VPS13A: variants seen among roughly 807,000 people sequenced by gnomAD.
The protein encoded by VPS13A is intermembrane lipid transfer protein VPS13A.
Under a neutral mutation model 390.9 loss-of-function variants are expected in VPS13A, and 264 were observed. The ratio of observed to expected loss-of-function variants is 0.68; its 90% confidence interval spans 0.61 to 0.75. VPS13A has a LOEUF of 0.75. VPS13A is among the 30% of genes least tolerant of loss of function. VPS13A has a pLI of 0.00. For synonymous variants in VPS13A, 1,231 were observed against 1,227.1 expected (o/e 1.00, Z -0.07); for missense variants, 3,409 against 3,733.9 (o/e 0.91, Z 2.27).
intron 71 of VPS13A, among the ~76,000 whole-genome samples, chr9:77,411,235 A>T (rs980882093): frequency 6.6e-6 from 1 of 152,204 alleles, no homozygotes; most frequent in Admixed American, 6.5e-5. Context: ...GTTCTTTGAA[A>T]CCAACGAGAA....
chr9:77,213,302 T>C lies in VPS13A; in HGVS notation c.684T>C (p.Tyr228=). ...CTCAGATGTTTTATCTTAGTGATTA[T>C]GATAACTCCTTGGTAAGTAAATTTT... is the stretch of plus-strand genomic sequence containing the variant. ...VKSQMFYLSD[Y]DNSLDDLKNG... The change falls in exon 9 of 72, where the codon TAT becomes TAC. Residue 228 remains tyrosine (Y), a synonymous_variant. Coordinates refer to ENST00000360280, the MANE Select transcript of VPS13A (RefSeq NM_033305.3). The C allele has an allele frequency of 6.2e-7, 1 of 1,613,132 alleles. No individual in the cohort carries two copies. The highest frequency in any genetic ancestry group is 8.5e-7 in the Non-Finnish European group (1 of 1,179,346).
intron 32 of VPS13A, 138 bp from the exon 33 acceptor site, chr9:77,295,400 CAGTA>C (rs1827923761): frequency 1.5e-6 from 1 of 646,674 alleles, no homozygotes; most frequent in African/African-American, 1.9e-5. Flanking sequence ...TTAATATAGA[CAGTA>C]AGATTTTGAA....
intron 68 of VPS13A, chr9:77,389,760 A>G (rs998584159): frequency 6.6e-6 from 1 of 151,950 alleles, no homozygotes; most frequent in African/African-American, 2.4e-5. Context: ...TGTGTCCTTC[A>G]TTGTGTCTGA....
chr9:77,228,643 T>C (rs930661331), intron 17 of VPS13A, among the ~76,000 whole-genome samples: 1 of 152,122 alleles, frequency 6.6e-6, no homozygotes. Context: ...ACAACTATAT[T>C]ATATAGTAAT....
chr9:77,243,495 A>T (rs756481617), intron 19 of VPS13A, among the ~76,000 whole-genome samples: 1 of 152,118 alleles, frequency 6.6e-6, no homozygotes, highest in Non-Finnish European at 1.5e-5. Context: ...TTTGTTGTCA[A>T]CTATGGCATG....
chr9:77,208,440 A>T (rs1317368501), intron 5 of VPS13A, among the ~76,000 whole-genome samples: 1 of 152,196 alleles, frequency 6.6e-6, no homozygotes, highest in East Asian at 1.9e-4. Context: ...GAAATAAAGA[A>T]TATAGCTTTC....
intron 68 of VPS13A, among the ~76,000 whole-genome samples, chr9:77,401,288 A>G (rs574498025): frequency 3.5e-5 from 5 of 144,868 alleles, no homozygotes; most frequent in Non-Finnish European, 7.5e-5. Context: ...CTTACCTCCT[A>G]CCCCATGCTC....
At chr9:77,273,604 G>A (rs935228621) in intron 24 of VPS13A, among the ~76,000 whole-genome samples, 3 of 152,134 alleles carry the variant, frequency 2.0e-5, no homozygotes, top group African/African-American at 7.2e-5. Flanking sequence ...ACTCAAGGTG[G>A]TGATTAAAAT....
intron 13 of VPS13A, among the ~76,000 whole-genome samples, chr9:77,221,751 G>A (rs1229353897): frequency 6.6e-6 from 1 of 151,998 alleles, no homozygotes; most frequent in African/African-American, 2.4e-5. Flanking sequence ...AATGTTTCCT[G>A]TACTCTGTAT....
chr9:77,339,146 T>C (rs1448341986), intron 47 of VPS13A: 3 of 226,066 alleles, frequency 1.3e-5, no homozygotes, highest in African/African-American at 7.0e-5. Flanking sequence ...TTACGTTGTT[T>C]TGTAGTTTTC....
At chr9:77,191,363 G>A (rs1386287366) in intron 1 of VPS13A, among the ~76,000 whole-genome samples, 2 of 147,692 alleles carry the variant, frequency 1.4e-5, no homozygotes, top group Non-Finnish European at 3.0e-5. Flanking sequence ...GCATGAACAC[G>A]GCTCACTGCA....
rs144395221 is a variant in VPS13A, at chr9:77,272,036, A to T, written c.2428-1244A>T. On this transcript the variant is annotated intron_variant, in intron 23 of 71. Transcript: ENST00000360280. ...AGAGTTTATGTACTTCGTGTAGTAG[A>T]TTATAATGTGCTTAAAAAAAATGCT... 4.9e-3 allele frequency among the ~76,000 whole-genome samples: 719 copies of T among 146,470 alleles called. 5 individuals carry two copies. The highest frequency in any genetic ancestry group is 0.021 in the Middle Eastern group (6 of 282).
chr9:77,401,389 A>G (rs1834388804), intron 68 of VPS13A, among the ~76,000 whole-genome samples: 1 of 149,730 alleles, frequency 6.7e-6, no homozygotes, highest in African/African-American at 2.5e-5. Context: ...ATTGGGAGGG[A>G]GTCAATAACA....
chr9:77,244,413 T>TGCTCTCTAAAACTTTCTGGAAATCC (rs1406458226), intron 19 of VPS13A, among the ~76,000 whole-genome samples: 108 of 152,294 alleles, frequency 7.1e-4, no homozygotes, highest in African/African-American at 2.5e-3. Flanking sequence ...TCTGGTAATC[T>TGCTCTCTAAAACTTTCTGGAAATCC]GCTCTCTAAA....
Position 77,418,336 on chromosome 9 carries a change from A to G in VPS13A, c.*2330A>G, listed in dbSNP as rs574353585. 4 of 152,266 alleles carry G rather than the reference A, an allele frequency of 2.6e-5. No homozygotes were observed. Among genetic ancestry groups the G allele is most frequent in the South Asian group, 4.1e-4 (2 of 4,822 alleles). 9.4% of individuals were successfully genotyped at this position (152,266 alleles called of 1,614,324 possible). ...ACTAGGCCCTTAATTCCAGCACAGC[A>G]TGTCTTCTGGTCTATGATAATTGTG... On this transcript the variant is annotated 3_prime_UTR_variant, in exon 72 of 72. Transcript: ENST00000360280.
intron 3 of VPS13A, among the ~76,000 whole-genome samples, chr9:77,201,710 T>C (rs1400608286): frequency 6.6e-6 from 1 of 152,152 alleles, no homozygotes; most frequent in Non-Finnish European, 1.5e-5. Context: ...TTCTGTCTAG[T>C]TACCACTGCT....
chr9:77,415,880 G>C (rs77079305), intron 71 of VPS13A, 76 bp from the exon 72 acceptor site: 1 of 1,548,280 alleles, frequency 6.5e-7, no homozygotes, highest in African/African-American at 1.4e-5. Context: ...CTAACTTCTA[G>C]ATCTCCATTC....
chr9:77,340,537 T>C lies in VPS13A; in HGVS notation c.7013T>C (p.Leu2338Pro). 2 of 1,612,640 alleles carry C rather than the reference T, an allele frequency of 1.2e-6. No homozygotes were observed. Among genetic ancestry groups the C allele is most frequent in the Non-Finnish European group, 1.7e-6 (2 of 1,179,666 alleles). The stretch of plus-strand genomic sequence containing the variant: ...GAAGGAAATGATAAATGGCTCTCTC[T>C]TGATTTGGAGCAGGTGGGTAGATGA... ...AEEGNDKWLS[L>P]DLEQCIPFWP... Residue 2338 changes from leucine to proline, a missense_variant, in exon 50 of 72, where the codon CTT (leucine) becomes CCT (proline). By Grantham distance (98) the Leu-to-Pro change is moderately conservative. Around this residue, in one of 5 missense-constraint regions of VPS13A, gnomAD observed 2,717 missense variants for 2,917.4 expected, o/e 0.93. Transcript: ENST00000360280.
chr9:77,229,933 A>G (rs934062398), intron 17 of VPS13A, among the ~76,000 whole-genome samples: 2 of 152,090 alleles, frequency 1.3e-5, no homozygotes, highest in African/African-American at 4.8e-5. Context: ...AACACTTGTT[A>G]TTATCTGTTC....
Sources: allele counts gnomAD v4.1 joint callset (sites outside exome capture counted in the v4.1 genomes callset), GRCh38; gene constraint gnomAD v4.1.1; regional missense constraint gnomAD v4.1.1; transcripts MANE v1.5; gene names NCBI Gene and HGNC (gene_info 2026-07-23, HGNC 2026-07-21).